CENPH: variants seen among roughly 807,000 people sequenced by gnomAD.
CENPH encodes the protein CENP-H.
A neutral mutation model predicts 42.9 loss-of-function variants in CENPH; 40 were observed. The observed-to-expected ratio is 0.93, with a 90% CI of 0.72 to 1.21. CENPH has a LOEUF of 1.21. Among genes scored for constraint, CENPH ranks in the 50% most tolerant of loss-of-function variants. CENPH has a pLI of 0.00. For missense variants in CENPH, 302 were observed against 292.9 expected, an observed-to-expected ratio of 1.03 and a Z score of -0.23; for synonymous variants, 88 against 96.5, an observed-to-expected ratio of 0.91 and a Z score of 0.52.
chr5:69,202,510 C>G lies in CENPH; in HGVS notation c.376C>G (p.Leu126Val), dbSNP rs758432977. 2 of 1,541,980 alleles carry G rather than the reference C, an allele frequency of 1.3e-6. No homozygotes were observed. The highest frequency in any genetic ancestry group is 1.8e-5 in the Admixed American group (1 of 57,118). Residue 126 changes from leucine to valine, a missense_variant, in exon 6 of 9, where the codon CTC becomes GTC. Coordinates refer to ENST00000283006, the MANE Select transcript of CENPH (RefSeq NM_022909.4). ...LEKISRQSSV[L>V]MDNMKHLLEL... ...ATCTTTTTGTTTCCTTTTCAGTGTGCTCATGGATAACATGAAACACCTATT... is the reference window on the plus strand; with the variant it reads ...ATCTTTTTGTTTCCTTTTCAGTGTGGTCATGGATAACATGAAACACCTATT...
At chr5:69,199,007 T>A (rs2112087621) in intron 5 of CENPH, among the ~76,000 whole-genome samples, 1 of 152,190 alleles carries the variant, frequency 6.6e-6, no homozygotes, top group South Asian at 2.1e-4. Flanking sequence ...CAGGACAGAT[T>A]CATCACATTG....
chr5:69,189,914 C>G, intron 1 of CENPH, 146 bp downstream of exon 1: 2 of 939,672 alleles, frequency 2.1e-6, no homozygotes, highest in Non-Finnish European at 3.0e-6. Flanking sequence ...TGTTGAAGCT[C>G]TTTCTTCATC....
At chr5:69,201,805 C>T (rs1175301159) in intron 5 of CENPH, among the ~76,000 whole-genome samples, 1 of 152,190 alleles carries the variant, frequency 6.6e-6, no homozygotes, top group African/African-American at 2.4e-5. Flanking sequence ...TTGCAGGAAG[C>T]TGTGATTGTG....
intron 7 of CENPH, among the ~76,000 whole-genome samples, chr5:69,203,506 A>G (rs900329214): frequency 3.3e-5 from 5 of 152,060 alleles, no homozygotes; most frequent in Admixed American, 6.6e-5. Flanking sequence ...AGCTGAGATT[A>G]CAGGCATGTC....
intron 7 of CENPH, among the ~76,000 whole-genome samples, chr5:69,205,702 CTTTTTTTTTTTTTTTT>C (rs1158243799): frequency 2.7e-4 from 21 of 77,094 alleles, no homozygotes; most frequent in Non-Finnish European, 9.0e-5. Flanking sequence ...CTGTAGATAT[CTTTTTTTTTTTTTTTT>C]TTTTTTTTGA....
At chr5:69,190,924 T>C (rs1747860002) in intron 1 of CENPH, among the ~76,000 whole-genome samples, 1 of 152,190 alleles carries the variant, frequency 6.6e-6, no homozygotes, top group Non-Finnish European at 1.5e-5. Context: ...TTTTTTTCTT[T>C]CTTAAATGTT....
chr5:69,196,142 G>T (rs1207273599), intron 4 of CENPH, among the ~76,000 whole-genome samples: 8 of 151,940 alleles, frequency 5.3e-5, no homozygotes, highest in Non-Finnish European at 1.0e-4. Flanking sequence ...GTCTCACTGT[G>T]CCCAGGCTGG....
rs776176672 is a variant in CENPH at position 69,202,602 on chromosome 5, T to TC, written c.435+34dup. On this transcript the variant is annotated intron_variant, in intron 6 of 8. Transcript: ENST00000283006. ...TACACATTAGGCTGATTATGCATTC[T>TC]CATGATTTTACTCTCAACTTCTTGC... 3 of 1,235,722 alleles carry TC rather than the reference T, an allele frequency of 2.4e-6. No individual in the cohort carries two copies. The East Asian group carries it at 7.1e-5, about 29-fold the overall frequency. The allele number at this position is 1,235,722 out of a possible 1,614,324, so 76.5% of individuals were successfully genotyped here.
chr5:69,198,782 A>T (rs895486862), intron 5 of CENPH, among the ~76,000 whole-genome samples: 1 of 152,060 alleles, frequency 6.6e-6, no homozygotes, highest in Non-Finnish European at 1.5e-5. Context: ...AAAATTTTTA[A>T]AAATTAGCCA....
chr5:69,190,917 TTTTC>T (rs1419022386), intron 1 of CENPH, among the ~76,000 whole-genome samples: 6 of 152,114 alleles, frequency 3.9e-5, no homozygotes, highest in Non-Finnish European at 8.8e-5. Context: ...ATTACCATTT[TTTTC>T]TTTCTTAAAT....
chr5:69,205,940 A>G (rs937057606), intron 7 of CENPH, among the ~76,000 whole-genome samples: 1 of 148,184 alleles, frequency 6.7e-6, no homozygotes, highest in Non-Finnish European at 1.5e-5. Context: ...CCATCTCCTG[A>G]CCTCGTGATC....
intron 5 of CENPH, among the ~76,000 whole-genome samples, chr5:69,197,909 T>G: frequency 7.2e-6 from 1 of 138,732 alleles, no homozygotes; most frequent in African/African-American, 2.7e-5. Context: ...GTCTTACCTA[T>G]GATCTTTTTT....
intron 1 of CENPH, among the ~76,000 whole-genome samples, chr5:69,190,783 A>C (rs1347006011): frequency 2.0e-5 from 3 of 151,972 alleles, no homozygotes; most frequent in Non-Finnish European, 4.4e-5. Flanking sequence ...CCAGCTACTC[A>C]GGAGGCTGAG....
intron 4 of CENPH, 139 bp from the exon 5 acceptor site, chr5:69,196,914 C>T: frequency 1.8e-6 from 1 of 559,448 alleles, no homozygotes; most frequent in African/African-American, 2.0e-5. Context: ...CAAAGTATTT[C>T]TCTTATAATA....
At chr5:69,202,475 T>G in intron 5 of CENPH, 31 bp from the exon 6 acceptor site, 2 of 1,292,676 alleles carry the variant, frequency 1.5e-6, no homozygotes, top group Admixed American at 1.9e-5. Context: ...ACAAATAACC[T>G]TAATAAATCA....
Position 69,202,971 on chromosome 5 carries a change from G to T in CENPH, c.487+1G>T, listed in dbSNP as rs541394077. 2.5e-6 allele frequency: 4 copies of T among 1,581,602 alleles called. No individual in the cohort carries two copies. Among genetic ancestry groups the T allele is most frequent in the Admixed American group, 3.5e-5 (2 of 57,118 alleles). On this transcript the variant is annotated splice_donor_variant, in intron 7 of 8. Coordinates refer to ENST00000283006, the MANE Select transcript of CENPH (RefSeq NM_022909.4). LOFTEE classifies it high-confidence loss of function. ...CTTGATATTAGAAAGAAGAGATTGC[G>T]TATGTAGAACACTTTTTTTTTGGCA...
chr5:69,189,842 G>T, intron 1 of CENPH, 74 bp downstream of exon 1: 4 of 1,401,398 alleles, frequency 2.9e-6, no homozygotes, highest in Non-Finnish European at 3.7e-6. Context: ...GCTCAGAAGG[G>T]CTAGGGTTCG....
chr5:69,196,974 C>A, intron 4 of CENPH, 79 bp from the exon 5 acceptor site: 2 of 871,644 alleles, frequency 2.3e-6, no homozygotes, highest in Non-Finnish European at 3.5e-6. Flanking sequence ...GGAAATCAAT[C>A]TTTTTCATGT....
intron 4 of CENPH, 91 bp downstream of exon 4, chr5:69,195,882 T>C (rs1747954740): frequency 1.3e-5 from 8 of 606,388 alleles, no homozygotes; most frequent in Non-Finnish European, 1.7e-5. Context: ...CTGGGCTGAG[T>C]GAATTAGTCA....
Sources: gnomAD v4.1 joint callset for allele counts (sites outside exome capture counted in the v4.1 genomes callset) on GRCh38, gnomAD v4.1.1 for gene constraint, MANE v1.5 for transcripts, NCBI Gene and HGNC (gene_info 2026-07-23, HGNC 2026-07-21) for gene names.